CNBD1: variants seen among roughly 807,000 people sequenced by gnomAD.
The protein encoded by CNBD1 is cyclic nucleotide binding domain containing 1, also known as cyclic nucleotide-binding domain-containing protein 1.
In CNBD1, 71 loss-of-function variants were observed where a neutral mutation model predicts 54.4. The ratio of observed to expected loss-of-function variants is 1.30; its 90% confidence interval spans 1.08 to 1.59. CNBD1 has a LOEUF of 1.59. CNBD1 is among the 40% of genes most tolerant of loss of function. The probability of loss-of-function intolerance (pLI) is 0.00; values close to 1 mark genes in which losing one functional copy is unlikely to be tolerated. For synonymous variants in CNBD1, 182 were observed against 170.7 expected (o/e 1.07, Z -0.51); for missense variants, 659 against 518.0 (o/e 1.27, Z -2.64).
chr8:87,172,251 G>C (rs535145763), intron 4 of CNBD1, among the ~76,000 whole-genome samples: 1 of 152,108 alleles, frequency 6.6e-6, no homozygotes, highest in Admixed American at 6.5e-5. Context: ...AATTATTTCA[G>C]TTTTTCTGAA....
chr8:87,274,426 G>A (rs1439330615), intron 6 of CNBD1, among the ~76,000 whole-genome samples: 3 of 145,986 alleles, frequency 2.1e-5, no homozygotes, highest in East Asian at 2.0e-4. Flanking sequence ...ATCCTCTCCA[G>A]CACCTGTTGT....
At chr8:87,296,783 A>G (rs1808884230) in intron 8 of CNBD1, among the ~76,000 whole-genome samples, 1 of 152,142 alleles carries the variant, frequency 6.6e-6, no homozygotes, top group Non-Finnish European at 1.5e-5. Context: ...ATCATGGTGT[A>G]ATAATATATG....
chr8:87,013,052 C>A, intron 4 of CNBD1, among the ~76,000 whole-genome samples: 1 of 152,158 alleles, frequency 6.6e-6, no homozygotes, highest in East Asian at 1.9e-4. Context: ...GAGGCTGGCG[C>A]CTAATGTGCG....
chr8:87,375,828 AT>A (rs1166663376), intron 10 of CNBD1, among the ~76,000 whole-genome samples: 3 of 151,890 alleles, frequency 2.0e-5, no homozygotes, highest in African/African-American at 7.2e-5. Flanking sequence ...CCGTCACTAA[AT>A]ACTTTCCTAA....
intron 6 of CNBD1, among the ~76,000 whole-genome samples, chr8:87,270,071 G>T (rs1013320902): frequency 6.6e-6 from 1 of 151,952 alleles, no homozygotes; most frequent in African/African-American, 2.4e-5. Flanking sequence ...CAATCAACTA[G>T]GCTTTTATTC....
At chr8:86,978,599 A>G (rs1419746973) in intron 4 of CNBD1, among the ~76,000 whole-genome samples, 1 of 130,356 alleles carries the variant, frequency 7.7e-6, no homozygotes, top group Non-Finnish European at 1.5e-5. Context: ...CTGGAGTGCA[A>G]TGGCGCGATC....
intron 3 of CNBD1, among the ~76,000 whole-genome samples, chr8:86,918,478 A>T (rs1809221918): frequency 6.6e-6 from 1 of 152,044 alleles, no homozygotes; most frequent in South Asian, 2.1e-4. Context: ...AGCTCCCACA[A>T]TTCCCATGTG....
chr8:87,127,144 G>A (rs1330443067), intron 4 of CNBD1, among the ~76,000 whole-genome samples: 1 of 151,878 alleles, frequency 6.6e-6, no homozygotes, highest in Non-Finnish European at 1.5e-5. Context: ...GATATTCTAG[G>A]TCCTTTGAAT....
chr8:87,076,095 A>G (rs1234003825), intron 4 of CNBD1, among the ~76,000 whole-genome samples: 1 of 152,196 alleles, frequency 6.6e-6, no homozygotes, highest in Non-Finnish European at 1.5e-5. Context: ...TGCAGATGGG[A>G]TAAGAGTGAG....
At chr8:86,972,194 C>T (rs1049420635) in intron 4 of CNBD1, among the ~76,000 whole-genome samples, 2 of 152,144 alleles carry the variant, frequency 1.3e-5, no homozygotes, top group Non-Finnish European at 2.9e-5. Context: ...TCGTGATCCA[C>T]CCACCTCGGC....
Position 87,362,720 on chromosome 8 carries a change from C to G in CNBD1, c.1303+8934C>G, listed in dbSNP as rs187107976. Among the ~76,000 whole-genome samples, 5 of 152,180 alleles carry G rather than the reference C, an allele frequency of 3.3e-5. No individual in the cohort carries two copies. The South Asian group carries it at 1.0e-3, about 32-fold the overall frequency. ...AAGACCAGGCAGCCATTCGAACCCT[C>G]TGTGAGTCCACGCTTAACATTAAAT... On this transcript the variant is annotated intron_variant, in intron 10 of 10. Transcript: ENST00000518476.
At chr8:87,242,294 T>G (rs1807723762) in intron 6 of CNBD1, among the ~76,000 whole-genome samples, 1 of 152,190 alleles carries the variant, frequency 6.6e-6, no homozygotes, top group South Asian at 2.1e-4. Context: ...TTTCCAGGTC[T>G]TTTTCCTGAT....
intron 10 of CNBD1, among the ~76,000 whole-genome samples, chr8:87,366,836 G>C (rs889329679): frequency 1.3e-5 from 2 of 152,072 alleles, no homozygotes; most frequent in African/African-American, 4.8e-5. Context: ...AATAAGAAAG[G>C]AAGTGAAAAT....
At chr8:86,919,933 C>T (rs570221095) in intron 3 of CNBD1, among the ~76,000 whole-genome samples, 2 of 151,918 alleles carry the variant, frequency 1.3e-5, no homozygotes, top group African/African-American at 4.8e-5. Context: ...CCAGCTGATC[C>T]TAATGATACT....
intron 4 of CNBD1, among the ~76,000 whole-genome samples, chr8:87,181,849 A>G (rs1813354615): frequency 6.6e-6 from 1 of 151,744 alleles, no homozygotes; most frequent in Admixed American, 6.6e-5. Context: ...TTTGTGGTAT[A>G]TTTTTCCTTT....
chr8:87,404,492 T>C (rs1431697131), intron 2 of CNBD1, among the ~76,000 whole-genome samples: 1 of 152,226 alleles, frequency 6.6e-6, no homozygotes, highest in East Asian at 1.9e-4. Flanking sequence ...AGATTTATGG[T>C]GTCGAAATCA....
In CNBD1 at chr8:86,976,021, AT is replaced by A. The variant is rs199512547; in HGVS notation, c.431+36275del. On this transcript the variant is annotated intron_variant, in intron 4 of 10. Transcript: ENST00000518476. The stretch of plus-strand genomic sequence containing the variant: ...TTTTTCATACCTGTTGACCACGCAT[AT>A]TTTTTTTGAAAAATGTCTATCCCAG... Among the ~76,000 whole-genome samples the A allele has an allele frequency of 3.3e-5, 5 of 150,944 alleles. No homozygotes were observed. In the South Asian group the frequency reaches 8.3e-4, roughly 25 times the overall value.
intron 6 of CNBD1, among the ~76,000 whole-genome samples, chr8:87,243,238 G>C (rs1216290199): frequency 6.6e-6 from 1 of 152,206 alleles, no homozygotes; most frequent in African/African-American, 2.4e-5. Flanking sequence ...TCCAACTAAA[G>C]AAAGAATATC....
At chr8:87,242,879 A>G (rs1807734035) in intron 6 of CNBD1, among the ~76,000 whole-genome samples, 1 of 152,230 alleles carries the variant, frequency 6.6e-6, no homozygotes, top group South Asian at 2.1e-4. Flanking sequence ...TCCCAACTCA[A>G]AAATATTCTT....
Sources: gnomAD v4.1 joint callset for allele counts (sites outside exome capture counted in the v4.1 genomes callset) on GRCh38, gnomAD v4.1.1 for gene constraint, MANE v1.5 for transcripts, NCBI Gene and HGNC (gene_info 2026-07-23, HGNC 2026-07-21) for gene names.